ST8SIA4: variants seen among roughly 807,000 people sequenced by gnomAD.
ST8SIA4 encodes the protein ST8 alpha-N-acetyl-neuraminide alpha-2,8-sialyltransferase 4.
A neutral mutation model predicts 33.9 loss-of-function variants in ST8SIA4; 15 were observed. The observed-to-expected ratio is 0.44, with a 90% CI of 0.30 to 0.68. ST8SIA4 has a LOEUF of 0.68. ST8SIA4 is among the 30% of genes least tolerant of loss of function. The probability of loss-of-function intolerance (pLI) is 0.10; values close to 1 mark genes in which losing one functional copy is unlikely to be tolerated. For missense variants in ST8SIA4, 321 were observed against 428.0 expected, an observed-to-expected ratio of 0.75 and a Z score of 2.21; for synonymous variants, 171 against 151.2, an observed-to-expected ratio of 1.13 and a Z score of -0.96.
chr5:100,837,300 A>C (rs1298098838), intron 4 of ST8SIA4, among the ~76,000 whole-genome samples: 1 of 152,070 alleles, frequency 6.6e-6, no homozygotes, highest in Non-Finnish European at 1.5e-5. Flanking sequence ...ATAAACCAGA[A>C]GTGATGAAGT....
In ST8SIA4 at chr5:100,819,609, C is replaced by T. The variant is rs80306472; in HGVS notation, c.798-7480G>A. ...CAAGCAAGCTCCAGTATTCTTCAGACGCAGAAGAGACAGAAAATATTCCTC... is the reference window on the plus strand; with the variant it reads ...CAAGCAAGCTCCAGTATTCTTCAGATGCAGAAGAGACAGAAAATATTCCTC... On this transcript the variant is annotated intron_variant, in intron 4 of 4. Coordinates refer to ENST00000231461, the MANE Select transcript of ST8SIA4 (RefSeq NM_005668.6). Among the ~76,000 whole-genome samples, 920 of 152,234 alleles carry T rather than the reference C, an allele frequency of 6.0e-3. 34 individuals carry two copies. The highest frequency in any genetic ancestry group is 0.051 in the Admixed American group (774 of 15,284).
At chr5:100,839,178 T>A (rs936866142) in intron 4 of ST8SIA4, among the ~76,000 whole-genome samples, 7 of 151,974 alleles carry the variant, frequency 4.6e-5, no homozygotes, top group Admixed American at 2.6e-4. Flanking sequence ...TGCAAAAAAA[T>A]TATATTTAAT....
intron 4 of ST8SIA4, among the ~76,000 whole-genome samples, chr5:100,837,776 G>C (rs1196265067): frequency 1.3e-5 from 2 of 150,940 alleles, no homozygotes; most frequent in African/African-American, 4.9e-5. Context: ...ATCTCTACTG[G>C]TGAAATGTGG....
At chr5:100,834,542 C>A (rs187266065) in intron 4 of ST8SIA4, among the ~76,000 whole-genome samples, 6 of 152,190 alleles carry the variant, frequency 3.9e-5, no homozygotes, top group Non-Finnish European at 8.8e-5. Context: ...TAAGTTGTCA[C>A]TACTGATCAA....
chr5:100,880,685 G>T (rs1459293696), intron 3 of ST8SIA4, among the ~76,000 whole-genome samples: 1 of 152,192 alleles, frequency 6.6e-6, no homozygotes, highest in South Asian at 2.1e-4. Context: ...ATCAAGAGAT[G>T]ATGTTGGCTT....
Position 100,856,199 on chromosome 5 carries a change from T to C in ST8SIA4, c.701A>G (p.Glu234Gly). ...TGCATTAACCCACTCCACGTGCTTC[T>C]CTCCTCCTTTGACCATGAAAGCAGG... Reference protein sequence around the residue: ...WIPAFMVKGGEKHVEWVNALI... With the variant: ...WIPAFMVKGGGKHVEWVNALI... Residue 234 changes from glutamate to glycine, a missense_variant, in exon 4 of 5, where the codon GAG (glutamate) becomes GGG (glycine). Transcript: ENST00000231461. The C allele has an allele frequency of 6.2e-7, 1 of 1,614,160 alleles. No homozygotes were observed. The highest frequency in any genetic ancestry group is 8.5e-7 in the Non-Finnish European group (1 of 1,180,006).
At chr5:100,897,554 G>GT (rs1364033374) in intron 1 of ST8SIA4, among the ~76,000 whole-genome samples, 1 of 152,102 alleles carries the variant, frequency 6.6e-6, no homozygotes, top group East Asian at 1.9e-4. Context: ...CTAAAACTGT[G>GT]TTTTTTTAAT....
chr5:100,868,307 T>A (rs1291616818), intron 3 of ST8SIA4, among the ~76,000 whole-genome samples: 1 of 152,082 alleles, frequency 6.6e-6, no homozygotes, highest in Non-Finnish European at 1.5e-5. Context: ...TCCTTGAACA[T>A]AATTTTAAGA....
At chr5:100,871,394 A>G (rs1752195223) in intron 3 of ST8SIA4, among the ~76,000 whole-genome samples, 1 of 152,070 alleles carries the variant, frequency 6.6e-6, no homozygotes, top group African/African-American at 2.4e-5. Flanking sequence ...ATATATCTTT[A>G]CCATATTACC....
intron 1 of ST8SIA4, among the ~76,000 whole-genome samples, chr5:100,897,712 C>T (rs1752808326): frequency 1.3e-5 from 2 of 152,128 alleles, no homozygotes; most frequent in African/African-American, 4.8e-5. Context: ...CTCAAAGCAT[C>T]ATCATAGGCT....
intron 4 of ST8SIA4, among the ~76,000 whole-genome samples, chr5:100,815,988 C>T (rs910313114): frequency 2.6e-5 from 4 of 152,196 alleles, no homozygotes; most frequent in Admixed American, 6.5e-5. Context: ...TCTCTTGGAA[C>T]CTTCTGTGAC....
chr5:100,847,270 A>T (rs899690719), intron 4 of ST8SIA4, among the ~76,000 whole-genome samples: 1 of 152,010 alleles, frequency 6.6e-6, no homozygotes, highest in African/African-American at 2.4e-5. Context: ...TTGTTTTTTT[A>T]AAATTGCTTT....
chr5:100,846,614 T>G (rs892388167), intron 4 of ST8SIA4, among the ~76,000 whole-genome samples: 3 of 151,846 alleles, frequency 2.0e-5, no homozygotes, highest in African/African-American at 4.8e-5. Flanking sequence ...AACTTAACCT[T>G]TAAATTGAGA....
At chr5:100,822,154 A>G (rs1751044941) in intron 4 of ST8SIA4, among the ~76,000 whole-genome samples, 1 of 152,176 alleles carries the variant, frequency 6.6e-6, no homozygotes, top group South Asian at 2.1e-4. Flanking sequence ...GTCAAATATT[A>G]ATAAATACCT....
chr5:100,859,597 A>T (rs1751890345), intron 3 of ST8SIA4, among the ~76,000 whole-genome samples: 1 of 152,124 alleles, frequency 6.6e-6, no homozygotes, highest in Non-Finnish European at 1.5e-5. Flanking sequence ...GAATGCAGCT[A>T]ACTCCACTGT....
chr5:100,860,111 G>T (rs1040601356), intron 3 of ST8SIA4, among the ~76,000 whole-genome samples: 2 of 152,106 alleles, frequency 1.3e-5, no homozygotes, highest in Admixed American at 1.3e-4. Context: ...GTAATAATTG[G>T]AGGTTGTCAC....
At position 100,811,482 on chromosome 5, in the gene ST8SIA4, G is replaced by A. The variant is rs567813959; in HGVS notation, c.*365C>T. On this transcript the variant is annotated 3_prime_UTR_variant, in exon 5 of 5. Coordinates refer to ENST00000231461, the MANE Select transcript of ST8SIA4 (RefSeq NM_005668.6). ...TTTAATTTCCCAAGGTCTGAGTTGCGTTCCTGGGGTTCCTCTTCTAATATG... is the reference window on the plus strand; with the variant it reads ...TTTAATTTCCCAAGGTCTGAGTTGCATTCCTGGGGTTCCTCTTCTAATATG... The A allele has an allele frequency of 3.1e-3, 517 of 164,516 alleles. 1 individual carries two copies. The highest frequency in any genetic ancestry group is 4.4e-3 in the Non-Finnish European group (334 of 75,752). The allele number at this position is 164,516 out of a possible 1,614,324, so 10.2% of individuals were successfully genotyped here. A position where few individuals can be genotyped will look rare whatever the true frequency, so the allele number is the denominator to read the frequency against.
chr5:100,892,755 A>G (rs1752701233), intron 2 of ST8SIA4, among the ~76,000 whole-genome samples: 1 of 152,108 alleles, frequency 6.6e-6, no homozygotes, highest in African/African-American at 2.4e-5. Flanking sequence ...ATAATGTCTT[A>G]ATGTTCTCAA....
chr5:100,884,391 G>C lies in ST8SIA4; in HGVS notation c.503+1952C>G, dbSNP rs200085580. On this transcript the variant is annotated intron_variant, in intron 3 of 4. Transcript: ENST00000231461. Reference sequence around the variant, plus strand: ...GCTTGGCCAGTGAAAGAGAAAATAGGCTTCAATTTTAGAATAAGAGAGGTG... The same window carrying C: ...GCTTGGCCAGTGAAAGAGAAAATAGCCTTCAATTTTAGAATAAGAGAGGTG... 5.1e-4 allele frequency among the ~76,000 whole-genome samples: 78 copies of C among 152,234 alleles called. No individual in the cohort carries two copies. The East Asian group carries it at 0.013, about 25-fold the overall frequency.
Sources: gnomAD v4.1 joint callset for allele counts (sites outside exome capture counted in the v4.1 genomes callset) on GRCh38, gnomAD v4.1.1 for gene constraint, MANE v1.5 for transcripts, NCBI Gene and HGNC (gene_info 2026-07-23, HGNC 2026-07-21) for gene names.